The following CNTLN variants were observed in gnomAD, a reference collection of about 807,000 sequenced individuals.
CNTLN encodes centlein, centrosomal protein.
Under a neutral mutation model 180.0 loss-of-function variants are expected in CNTLN, and 212 were observed. The observed-to-expected ratio is 1.18, with a 90% CI of 1.05 to 1.32. The LOEUF (loss-of-function observed/expected upper bound fraction) is 1.32, where lower values mean the gene tolerates loss of function less well. CNTLN is among the 40% of genes most tolerant of loss of function. The pLI is 0.00. For missense variants in CNTLN, 2,095 were observed against 1,610.9 expected, an observed-to-expected ratio of 1.30 and a Z score of -5.14; for synonymous variants, 722 against 563.1, an observed-to-expected ratio of 1.28 and a Z score of -3.99.
intron 18 of CNTLN, among the ~76,000 whole-genome samples, chr9:17,434,802 G>A (rs1250502537): frequency 2.0e-5 from 3 of 151,694 alleles, no homozygotes; most frequent in African/African-American, 7.3e-5. Context: ...CATTCCTGAA[G>A]GATATAGAAT....
At chr9:17,273,020 C>G (rs59489537) in intron 5 of CNTLN, among the ~76,000 whole-genome samples, 3 of 151,822 alleles carry the variant, frequency 2.0e-5, no homozygotes, top group African/African-American at 7.2e-5. Flanking sequence ...ATTTCTAGTG[C>G]TTTATCTAAA....
intron 15 of CNTLN, among the ~76,000 whole-genome samples, chr9:17,398,696 G>A (rs527729560): frequency 3.7e-4 from 57 of 152,206 alleles, no homozygotes; most frequent in African/African-American, 1.3e-3. Context: ...AAGAATTTCT[G>A]TTTATCATTG....
chr9:17,359,954 G>A (rs1461742887), intron 12 of CNTLN, among the ~76,000 whole-genome samples: 2 of 151,616 alleles, frequency 1.3e-5, no homozygotes, highest in Non-Finnish European at 2.9e-5. Flanking sequence ...ACATACTAAT[G>A]GCCAATAAGC....
At chr9:17,376,577 A>G (rs999311950) in intron 13 of CNTLN, among the ~76,000 whole-genome samples, 37 of 151,504 alleles carry the variant, frequency 2.4e-4, no homozygotes, top group African/African-American at 8.7e-4. Flanking sequence ...TCAGCCTCCC[A>G]AGTAGCTGGG....
chr9:17,290,396 C>A lies in CNTLN; in HGVS notation c.984-7794C>A, dbSNP rs1460053366. On this transcript the variant is annotated intron_variant, in intron 6 of 25. Transcript: ENST00000380647. ...GATCTCCAGCTGCGTGCTGGGAGAACCACTGCTCTCTTCAAAGCTGTCAGA... is the reference window on the plus strand; with the variant it reads ...GATCTCCAGCTGCGTGCTGGGAGAAACACTGCTCTCTTCAAAGCTGTCAGA... 5.4e-5 allele frequency among the ~76,000 whole-genome samples: 8 copies of A among 149,386 alleles called. No individual in the cohort carries two copies. In the East Asian group the frequency reaches 5.9e-4, roughly 11 times the overall value.
At chr9:17,194,602 C>T (rs1822003691) in intron 2 of CNTLN, among the ~76,000 whole-genome samples, 1 of 152,148 alleles carries the variant, frequency 6.6e-6, no homozygotes, top group African/African-American at 2.4e-5. Context: ...TGATCAATGC[C>T]ATTCAACAAG....
At chr9:17,200,013 T>C (rs1822413578) in intron 2 of CNTLN, among the ~76,000 whole-genome samples, 1 of 152,210 alleles carries the variant, frequency 6.6e-6, no homozygotes, top group Non-Finnish European at 1.5e-5. Flanking sequence ...TTAATTTTTA[T>C]ATAAAGTGTA....
chr9:17,476,128 A>T (rs1378990787), intron 23 of CNTLN, among the ~76,000 whole-genome samples: 1 of 151,730 alleles, frequency 6.6e-6, no homozygotes, highest in Non-Finnish European at 1.5e-5. Context: ...TCTATCTGTT[A>T]TGGTGTTCTG....
At chr9:17,254,524 T>C (rs1826353626) in intron 5 of CNTLN, among the ~76,000 whole-genome samples, 1 of 151,328 alleles carries the variant, frequency 6.6e-6, no homozygotes, top group South Asian at 2.1e-4. Flanking sequence ...TGAGTAGATA[T>C]CTAGTTTTTC....
chr9:17,510,748 T>A, the CNTLN span, among the ~76,000 whole-genome samples: 7 of 152,320 alleles, frequency 4.6e-5, no homozygotes, highest in African/African-American at 1.7e-4. Flanking sequence ...TCAGAATAAA[T>A]CTGTCTGTTT....
chr9:17,470,422 A>G (rs565264649), intron 23 of CNTLN, among the ~76,000 whole-genome samples: 61 of 152,108 alleles, frequency 4.0e-4, no homozygotes, highest in African/African-American at 1.4e-3. Flanking sequence ...TATTAGTAGT[A>G]TTAATAGTAA....
Position 17,344,256 on chromosome 9 carries a change from T to G in CNTLN, c.1886+1812T>G, listed in dbSNP as rs151289989. Reference sequence around the variant, plus strand: ...CTGTTCACTTAGCAATATTTGCACTTTACAAATAGCTCCTTGAATTAAATG... The same window carrying G: ...CTGTTCACTTAGCAATATTTGCACTGTACAAATAGCTCCTTGAATTAAATG... On this transcript the variant is annotated intron_variant, in intron 12 of 25. Transcript: ENST00000380647. Among the ~76,000 whole-genome samples, 458 of 152,236 alleles carry G rather than the reference T, an allele frequency of 3.0e-3. 4 individuals carry two copies. Among genetic ancestry groups the G allele is most frequent in the African/African-American group, 0.01 (434 of 41,572 alleles).
At chr9:17,302,559 A>C (rs556354067) in intron 7 of CNTLN, among the ~76,000 whole-genome samples, 1 of 152,274 alleles carries the variant, frequency 6.6e-6, no homozygotes, top group Admixed American at 6.5e-5. Context: ...CATAATAAGA[A>C]TGTACGGGGG....
At chr9:17,281,136 T>C (rs747988624) in intron 6 of CNTLN, among the ~76,000 whole-genome samples, 4 of 152,136 alleles carry the variant, frequency 2.6e-5, no homozygotes, top group Admixed American at 6.5e-5. Flanking sequence ...TTTTTGTACT[T>C]TTTCTTCACT....
chr9:17,154,882 G>A (rs1013228278), intron 2 of CNTLN, among the ~76,000 whole-genome samples: 6 of 152,222 alleles, frequency 3.9e-5, no homozygotes, highest in Non-Finnish European at 7.3e-5. Context: ...TTTCCATACT[G>A]TGGAAGCTGT....
intron 12 of CNTLN, among the ~76,000 whole-genome samples, chr9:17,349,310 C>G (rs947141362): frequency 6.6e-6 from 1 of 152,058 alleles, no homozygotes; most frequent in Non-Finnish European, 1.5e-5. Context: ...ACTTTTGAGT[C>G]ATTCATTAAT....
At chr9:17,351,161 G>A (rs1822328720) in intron 12 of CNTLN, among the ~76,000 whole-genome samples, 1 of 152,018 alleles carries the variant, frequency 6.6e-6, no homozygotes, top group South Asian at 2.1e-4. Context: ...TGTACCTCTG[G>A]CCACCTATTC....
At chr9:17,273,244 C>T (rs1828071563) in intron 5 of CNTLN, among the ~76,000 whole-genome samples, 1 of 152,082 alleles carries the variant, frequency 6.6e-6, no homozygotes. Flanking sequence ...AATTTCACCA[C>T]AGTCAAGAGA....
At chr9:17,342,890 T>TAGCCTTGCTGCTACTCTTGGAGC (rs1821598519) in intron 12 of CNTLN, among the ~76,000 whole-genome samples, 1 of 152,238 alleles carries the variant, frequency 6.6e-6, no homozygotes, top group South Asian at 2.1e-4. Flanking sequence ...CATTATGGTG[T>TAGCCTTGCTGCTACTCTTGGAGC]AGCCTTGCTG....
Sources: gnomAD v4.1 joint callset for allele counts (sites outside exome capture counted in the v4.1 genomes callset) on GRCh38, gnomAD v4.1.1 for gene constraint, MANE v1.5 for transcripts, NCBI Gene and HGNC (gene_info 2026-07-23, HGNC 2026-07-21) for gene names.